The following OPHN1 variants were observed in gnomAD, a reference collection of about 807,000 sequenced individuals.
OPHN1 encodes oligophrenin 1.
A neutral mutation model predicts 60.7 loss-of-function variants in OPHN1; 11 were observed. That is an observed-to-expected ratio of 0.18 (90% CI 0.11 to 0.30). The LOEUF is 0.30. Ranked by LOEUF, OPHN1 falls within the 10% of genes least tolerant of loss-of-function variation. The pLI, the probability that OPHN1 is intolerant of heterozygous loss-of-function variation, is 1.00. For synonymous variants in OPHN1, 226 were observed against 222.6 expected (o/e 1.02, Z -0.14); for missense variants, 449 against 611.0 (o/e 0.73, Z 2.80).
intron 21 of OPHN1, among the ~76,000 whole-genome samples, chrX:68,061,199 C>T (rs2076891644): frequency 8.9e-6 from 1 of 111,824 alleles, no homozygotes; most frequent in Admixed American, 9.5e-5. Flanking sequence ...AAAGCTGAGG[C>T]CCAGATTTAG....
intron 2 of OPHN1, among the ~76,000 whole-genome samples, chrX:68,377,906 T>C (rs1218017178): frequency 8.9e-6 from 1 of 111,952 alleles, no homozygotes; most frequent in Non-Finnish European, 1.9e-5. Context: ...TGCATGTTTC[T>C]TTATAGCAGC....
At chrX:68,259,590 T>C (rs769298451) in intron 5 of OPHN1, among the ~76,000 whole-genome samples, 4 of 111,872 alleles carry the variant, frequency 3.6e-5, no homozygotes, top group African/African-American at 1.3e-4. Context: ...TACCAAACTA[T>C]TCTGAGCATT....
intron 6 of OPHN1, among the ~76,000 whole-genome samples, chrX:68,229,294 A>G (rs1184044283): frequency 8.9e-6 from 1 of 112,060 alleles, no homozygotes; most frequent in East Asian, 2.8e-4. Flanking sequence ...CATTCCATGC[A>G]CATGGATAGG....
chrX:68,198,940 A>T (rs2077523872), intron 11 of OPHN1, among the ~76,000 whole-genome samples: 1 of 111,668 alleles, frequency 9.0e-6, no homozygotes, highest in Non-Finnish European at 1.9e-5. Context: ...TTCCACAGCC[A>T]TCTTGAATGG....
intron 15 of OPHN1, among the ~76,000 whole-genome samples, chrX:68,175,384 G>C (rs1162184044): frequency 9.0e-6 from 1 of 110,927 alleles, no homozygotes; most frequent in East Asian, 2.8e-4. Flanking sequence ...ATAAATTGTA[G>C]AGTTGCTGGA....
chrX:68,299,382 T>C (rs1468537687), intron 2 of OPHN1, among the ~76,000 whole-genome samples: 12 of 112,128 alleles, frequency 1.1e-4, no homozygotes, highest in Non-Finnish European at 1.5e-4. Flanking sequence ...ACTCAAAGCA[T>C]GGAAGACATG....
rs1458405322 is a variant in OPHN1 at position 68,077,509 on chromosome X, T to C, written c.1687-4210A>G. 3.6e-5 allele frequency among the ~76,000 whole-genome samples: 4 copies of C among 112,369 alleles called. No homozygotes were observed. In the Admixed American group the frequency reaches 3.8e-4, roughly 11 times the overall value. Reference sequence around the variant, plus strand: ...AACTGTTAAAAGGTGGTGATGTAGATTTGTAAGAACTGAGGTGGAAAGATT... The same window carrying C: ...AACTGTTAAAAGGTGGTGATGTAGACTTGTAAGAACTGAGGTGGAAAGATT... On this transcript the variant is annotated intron_variant, in intron 19 of 24. Coordinates refer to ENST00000355520, the MANE Select transcript of OPHN1 (RefSeq NM_002547.3).
intron 12 of OPHN1, 42 bp downstream of exon 12, chrX:68,197,144 T>C: frequency 2.0e-6 from 2 of 998,234 alleles, no homozygotes; most frequent in African/African-American, 1.9e-5. Context: ...ACTCATACAC[T>C]GGCATATGCT....
chrX:68,430,951 C>G (rs904023084), intron 2 of OPHN1, among the ~76,000 whole-genome samples: 5 of 111,843 alleles, frequency 4.5e-5, no homozygotes, highest in Admixed American at 9.5e-5. Flanking sequence ...AAATCTTAAT[C>G]TCTCTGATAT....
chrX:68,394,896 T>G (rs978621588), intron 2 of OPHN1, among the ~76,000 whole-genome samples: 1 of 111,748 alleles, frequency 8.9e-6, no homozygotes, highest in Non-Finnish European at 1.9e-5. Flanking sequence ...TCCACTCACC[T>G]CGGCCTCCCA....
intron 2 of OPHN1, among the ~76,000 whole-genome samples, chrX:68,362,855 A>C (rs190671729): frequency 2.7e-5 from 3 of 111,661 alleles, no homozygotes; most frequent in African/African-American, 9.7e-5. Context: ...ACACTAATGC[A>C]AGATGTTAAT....
At chrX:68,397,108 T>G (rs760094721) in intron 2 of OPHN1, among the ~76,000 whole-genome samples, 1 of 112,279 alleles carries the variant, frequency 8.9e-6, no homozygotes, top group Non-Finnish European at 1.9e-5. Context: ...TGGAACACCC[T>G]CCACCCTCCA....
chrX:68,152,935 C>T (rs1179887976), intron 15 of OPHN1, among the ~76,000 whole-genome samples: 3 of 109,739 alleles, frequency 2.7e-5, no homozygotes, highest in African/African-American at 9.9e-5. Context: ...CACAGGCCGG[C>T]TGTGGAGGCT....
intron 15 of OPHN1, among the ~76,000 whole-genome samples, chrX:68,169,830 A>G (rs1256370810): frequency 9.6e-6 from 1 of 104,066 alleles, no homozygotes; most frequent in African/African-American, 3.7e-5. Flanking sequence ...TAAAAACCCT[A>G]GAAGAAAACC....
In OPHN1 at chrX:68,047,000, A is replaced by G; in HGVS notation, c.*172T>C. The G allele has an allele frequency of 8.9e-6, 1 of 111,849 alleles. No individual in the cohort carries two copies. The allele number at this position is 111,849 out of a possible 1,213,427, so 9.2% of individuals were successfully genotyped here. ...ACAAAGGAGATATAAACACCTGTCT[A>G]GGACATATGCTCCTTATTTTATGGC... On this transcript the variant is annotated 3_prime_UTR_variant, in exon 25 of 25. Transcript: ENST00000355520.
chrX:68,227,706 A>G (rs1486325997), intron 6 of OPHN1, among the ~76,000 whole-genome samples: 1 of 111,743 alleles, frequency 8.9e-6, no homozygotes, highest in Non-Finnish European at 1.9e-5. Flanking sequence ...CTTTGAAACC[A>G]ACGAGAACAA....
chrX:68,124,862 G>C (rs1447121547), intron 15 of OPHN1, among the ~76,000 whole-genome samples: 1 of 110,942 alleles, frequency 9.0e-6, no homozygotes, highest in Non-Finnish European at 1.9e-5. Flanking sequence ...TACCCAGGCT[G>C]GTCTTGAACT....
intron 2 of OPHN1, among the ~76,000 whole-genome samples, chrX:68,382,458 C>A (rs2078602213): frequency 8.9e-6 from 1 of 112,099 alleles, no homozygotes; most frequent in Non-Finnish European, 1.9e-5. Context: ...AAGTTTTAAA[C>A]TGCTACATGC....
intron 2 of OPHN1, among the ~76,000 whole-genome samples, chrX:68,307,296 A>C (rs1352225692): frequency 9.3e-6 from 1 of 107,322 alleles, no homozygotes; most frequent in Non-Finnish European, 1.9e-5. Flanking sequence ...AAAAATAATA[A>C]TAATAATAAT....
Sources: gnomAD v4.1 joint callset for allele counts (sites outside exome capture counted in the v4.1 genomes callset) on GRCh38, gnomAD v4.1.1 for gene constraint, MANE v1.5 for transcripts, NCBI Gene and HGNC (gene_info 2026-07-23, HGNC 2026-07-21) for gene names.